ATG10: variants seen among roughly 807,000 people sequenced by gnomAD.
The protein encoded by ATG10 is autophagy related 10, also known as ubiquitin-like-conjugating enzyme ATG10.
ATG10 carries 30 observed loss-of-function variants against 32.1 expected under a neutral mutation model. The ratio of observed to expected loss-of-function variants is 0.94; its 90% confidence interval spans 0.70 to 1.27. ATG10 has a LOEUF of 1.27. Among genes scored for constraint, ATG10 ranks in the 50% most tolerant of loss-of-function variants. The probability of loss-of-function intolerance (pLI) is 0.00; values close to 1 mark genes in which losing one functional copy is unlikely to be tolerated. For missense variants in ATG10, 233 were observed against 262.3 expected (o/e 0.89, Z 0.77); for synonymous variants, 87 against 91.5 (o/e 0.95, Z 0.28).
At chr5:82,201,457 C>T (rs1745065978) in intron 5 of ATG10, among the ~76,000 whole-genome samples, 1 of 152,016 alleles carries the variant, frequency 6.6e-6, no homozygotes, top group Non-Finnish European at 1.5e-5. Context: ...ATCAATTGAC[C>T]ATATTTGAGT....
chr5:81,984,299 C>T (rs964781901), intron 1 of ATG10, among the ~76,000 whole-genome samples: 11 of 152,352 alleles, frequency 7.2e-5, no homozygotes, highest in African/African-American at 1.2e-4. Flanking sequence ...TGGCGGCGCG[C>T]GCCTGCAATC....
At chr5:81,988,074 C>T (rs1177049776) in intron 2 of ATG10, among the ~76,000 whole-genome samples, 2 of 152,182 alleles carry the variant, frequency 1.3e-5, no homozygotes, top group Admixed American at 6.5e-5. Context: ...CATAAACAAT[C>T]ACAAATTCTG....
intron 2 of ATG10, among the ~76,000 whole-genome samples, chr5:82,015,376 C>G (rs1762255834): frequency 2.0e-5 from 3 of 152,174 alleles, no homozygotes. Context: ...ATTGGCCTGC[C>G]TTGCTAGGTT....
At chr5:82,195,281 C>G (rs1169647869) in intron 5 of ATG10, among the ~76,000 whole-genome samples, 1 of 152,190 alleles carries the variant, frequency 6.6e-6, no homozygotes, top group Non-Finnish European at 1.5e-5. Context: ...TTGGCAGGAC[C>G]TCTCTAATCA....
At chr5:81,978,661 G>T (rs961833832) in intron 1 of ATG10, among the ~76,000 whole-genome samples, 2 of 151,700 alleles carry the variant, frequency 1.3e-5, no homozygotes, top group Non-Finnish European at 2.9e-5. Context: ...GGTTTTTTTT[G>T]TTGTTGTTTG....
At chr5:82,207,839 T>C (rs948198069) in intron 5 of ATG10, among the ~76,000 whole-genome samples, 5 of 152,188 alleles carry the variant, frequency 3.3e-5, no homozygotes, top group African/African-American at 1.2e-4. Flanking sequence ...ATGTGGCTAA[T>C]GTGATTGAGG....
intron 3 of ATG10, among the ~76,000 whole-genome samples, chr5:82,081,093 G>A (rs183953413): frequency 1.6e-3 from 244 of 152,216 alleles, no homozygotes; most frequent in Non-Finnish European, 1.9e-3. Flanking sequence ...TTGTAAGTTG[G>A]ATTCCTAGGT....
intron 3 of ATG10, among the ~76,000 whole-genome samples, chr5:82,090,949 A>T (rs1358219676): frequency 6.6e-6 from 1 of 152,208 alleles, no homozygotes; most frequent in African/African-American, 2.4e-5. Context: ...CCCTCCTTCA[A>T]TGCAGGTGAT....
At chr5:82,044,553 T>TG (rs1253454717) in intron 2 of ATG10, among the ~76,000 whole-genome samples, 1 of 152,154 alleles carries the variant, frequency 6.6e-6, no homozygotes, top group Admixed American at 6.5e-5. Context: ...ATTTTTTTTT[T>TG]CATTTAGATA....
chr5:82,072,787 T>G (rs577409849), intron 3 of ATG10, among the ~76,000 whole-genome samples: 30 of 152,318 alleles, frequency 2.0e-4, no homozygotes, highest in Non-Finnish European at 3.8e-4. Flanking sequence ...TAGTTTAGTG[T>G]TCTTTTAAAA....
chr5:82,088,318 G>T (rs1018571342), intron 3 of ATG10, among the ~76,000 whole-genome samples: 6 of 152,180 alleles, frequency 3.9e-5, no homozygotes, highest in Non-Finnish European at 8.8e-5. Context: ...TAATCAGTAA[G>T]ACTCTTCACA....
chr5:82,058,724 A>G, intron 3 of ATG10, 122 bp downstream of exon 3: 1 of 590,540 alleles, frequency 1.7e-6, no homozygotes, highest in Non-Finnish European at 3.0e-6. Flanking sequence ...TGGCACTCAT[A>G]TTGAAATAAA....
At chr5:82,022,586 G>A (rs1350009996) in intron 2 of ATG10, among the ~76,000 whole-genome samples, 2 of 149,620 alleles carry the variant, frequency 1.3e-5, no homozygotes, top group Admixed American at 6.6e-5. Context: ...GCATCCCAAA[G>A]TGCTGGGATT....
chr5:82,146,791 A>G (rs1767376594), intron 3 of ATG10, among the ~76,000 whole-genome samples: 1 of 151,942 alleles, frequency 6.6e-6, no homozygotes, highest in Non-Finnish European at 1.5e-5. Context: ...TCTCTCTTGA[A>G]ATGTCCTGTT....
chr5:81,999,018 T>C (rs1761754672), intron 2 of ATG10, among the ~76,000 whole-genome samples: 1 of 152,038 alleles, frequency 6.6e-6, no homozygotes, highest in Non-Finnish European at 1.5e-5. Flanking sequence ...AACTCAACAC[T>C]TGACAAAGCA....
chr5:81,992,720 A>C (rs1761499947), intron 2 of ATG10, among the ~76,000 whole-genome samples: 1 of 152,006 alleles, frequency 6.6e-6, no homozygotes, highest in Non-Finnish European at 1.5e-5. Context: ...ATTTTTTTTG[A>C]ATTTGAACAG....
chr5:82,101,990 G>A (rs1277280115), intron 3 of ATG10, among the ~76,000 whole-genome samples: 1 of 152,108 alleles, frequency 6.6e-6, no homozygotes, highest in African/African-American at 2.4e-5. Context: ...TTAATGGAAG[G>A]CACTGTTGAA....
intron 2 of ATG10, among the ~76,000 whole-genome samples, chr5:82,006,008 C>T (rs1037771935): frequency 1.1e-4 from 11 of 100,658 alleles, no homozygotes; most frequent in Non-Finnish European, 2.6e-4. Context: ...GTTTAGGAAC[C>T]GCTTATTGAA....
At chr5:82,165,757 A>G (rs1311263317) in intron 4 of ATG10, among the ~76,000 whole-genome samples, 1 of 152,242 alleles carries the variant, frequency 6.6e-6, no homozygotes, top group Non-Finnish European at 1.5e-5. Flanking sequence ...GTTTCTTGTC[A>G]GTGAGCTGTG....
Sources: allele counts gnomAD v4.1 joint callset (sites outside exome capture counted in the v4.1 genomes callset), GRCh38; gene constraint gnomAD v4.1.1; transcripts MANE v1.5; gene names NCBI Gene and HGNC (gene_info 2026-07-23, HGNC 2026-07-21).